MAST2: variants seen among roughly 807,000 people sequenced by gnomAD.
The protein encoded by MAST2 is microtubule associated serine/threonine kinase 2.
MAST2 carries 70 observed loss-of-function variants against 147.4 expected under a neutral mutation model. That is an observed-to-expected ratio of 0.47 (90% CI 0.39 to 0.58). The LOEUF is 0.58. MAST2 is among the 20% of genes least tolerant of loss of function. The pLI, the probability that MAST2 is intolerant of heterozygous loss-of-function variation, is 0.00. For synonymous variants in MAST2, 869 were observed against 896.8 expected (o/e 0.97, Z 0.55); for missense variants, 2,080 against 2,302.3 (o/e 0.90, Z 1.98).
intron 1 of MAST2, among the ~76,000 whole-genome samples, chr1:45,807,291 C>T (rs890664143): frequency 1.3e-5 from 2 of 152,016 alleles, no homozygotes; most frequent in Non-Finnish European, 2.9e-5. Flanking sequence ...TGAAATGTTC[C>T]TTGAGGACAT....
At chr1:45,832,584 G>C (rs1644992480) in intron 3 of MAST2, among the ~76,000 whole-genome samples, 3 of 152,140 alleles carry the variant, frequency 2.0e-5, no homozygotes, top group Admixed American at 2.0e-4. Context: ...GTGAGCCACT[G>C]TGCCTGGCCT....
intron 4 of MAST2, among the ~76,000 whole-genome samples, chr1:45,920,179 G>A (rs1390862738): frequency 1.3e-5 from 2 of 152,078 alleles, no homozygotes; most frequent in East Asian, 3.9e-4. Context: ...CCCTGAAGAG[G>A]GTACCTGCTC....
intron 4 of MAST2, among the ~76,000 whole-genome samples, chr1:45,953,172 T>C (rs1306275290): frequency 1.3e-5 from 2 of 152,004 alleles, no homozygotes; most frequent in Non-Finnish European, 2.9e-5. Context: ...TAACAACTAC[T>C]TTAGGACAGA....
chr1:45,829,370 T>C (rs1446847273), intron 2 of MAST2, 69 bp from the exon 3 acceptor site: 3 of 1,396,718 alleles, frequency 2.1e-6, no homozygotes, highest in Admixed American at 3.8e-5. Flanking sequence ...GATATCACTG[T>C]ATTTGTATTT....
rs749109240 is a variant in MAST2 at position 45,824,510 on chromosome 1, T to TA, written c.258dup (p.Leu87ThrfsTer9). 1 of 1,612,192 alleles carries TA rather than the reference T, an allele frequency of 6.2e-7. No homozygotes were observed. Among genetic ancestry groups the TA allele is most frequent in the African/African-American group, 1.3e-5 (1 of 74,904 alleles). On this transcript the variant is annotated frameshift_variant, in exon 2 of 29. Transcript: ENST00000361297. LOFTEE classifies it high-confidence loss of function. ...ACATATTTTCATCCACTGGAAAAGT[T>TA]AAACTTCAGCGACAACTGAGTCAGG...
At chr1:46,033,729 G>C in intron 26 of MAST2, 73 bp from the exon 27 acceptor site, 1 of 1,575,762 alleles carries the variant, frequency 6.3e-7, no homozygotes. Flanking sequence ...CATGCCAGAA[G>C]GGAAGGATTG....
At chr1:45,934,300 C>T (rs184566321) in intron 4 of MAST2, among the ~76,000 whole-genome samples, 14 of 152,252 alleles carry the variant, frequency 9.2e-5, no homozygotes, top group East Asian at 1.9e-4. Flanking sequence ...CTAGCTAACA[C>T]GGTGAAACCC....
At chr1:45,832,117 C>G (rs1370193247) in intron 3 of MAST2, among the ~76,000 whole-genome samples, 2 of 151,776 alleles carry the variant, frequency 1.3e-5, no homozygotes, top group African/African-American at 2.4e-5. Context: ...ATGTGAAGAC[C>G]ATATTGAGAT....
intron 6 of MAST2, among the ~76,000 whole-genome samples, chr1:46,001,323 C>T (rs1571153833): frequency 6.6e-6 from 1 of 152,236 alleles, no homozygotes; most frequent in Non-Finnish European, 1.5e-5. Context: ...GCATTTCTTC[C>T]TGACTCTGGT....
At position 45,850,140 on chromosome 1, in the gene MAST2, A is replaced by G. The variant is rs911558424; in HGVS notation, c.468+20559A>G. On this transcript the variant is annotated intron_variant, in intron 3 of 28. Transcript: ENST00000361297. Reference sequence around the variant, plus strand: ...GTTTTTTTGCTTTTTGATAATAGCTATTCTGACTGGCATAAGATGGTATCT... The same window carrying G: ...GTTTTTTTGCTTTTTGATAATAGCTGTTCTGACTGGCATAAGATGGTATCT... 4.6e-5 allele frequency among the ~76,000 whole-genome samples: 7 copies of G among 152,108 alleles called. 1 individual carries two copies. In the South Asian group the frequency reaches 6.2e-4, roughly 14 times the overall value.
chr1:45,975,398 C>T (rs1018335586), intron 5 of MAST2, among the ~76,000 whole-genome samples: 1 of 145,568 alleles, frequency 6.9e-6, no homozygotes, highest in Non-Finnish European at 1.5e-5. Context: ...ATGGCTCACT[C>T]CTGTAATTCC....
chr1:46,026,168 A>T (rs1646401737), intron 16 of MAST2, among the ~76,000 whole-genome samples: 1 of 152,228 alleles, frequency 6.6e-6, no homozygotes, highest in African/African-American at 2.4e-5. Flanking sequence ...GTGGGTTTTT[A>T]AATGTAGTCC....
chr1:45,891,472 G>A (rs572621130), intron 4 of MAST2, among the ~76,000 whole-genome samples: 32 of 152,040 alleles, frequency 2.1e-4, no homozygotes, highest in Non-Finnish European at 3.7e-4. Flanking sequence ...GAGAGAGACC[G>A]TTTCAAAACA....
At position 46,030,161 on chromosome 1, in the gene MAST2, G is replaced by C. The variant is rs1646586045; in HGVS notation, c.2476G>C (p.Glu826Gln). 3.1e-6 allele frequency: 5 copies of C among 1,614,140 alleles called. No individual in the cohort carries two copies. The Admixed American group carries it at 8.3e-5, about 27-fold the overall frequency. The change falls in exon 21 of 29, where the codon GAG becomes CAG. Residue 826 changes from glutamate to glutamine, a missense_variant. By Grantham distance (29) the Glu-to-Gln change is conservative. This residue lies in a region of MAST2 where 1,278 missense variants were observed against 1,304.2 expected (regional missense o/e 0.98). Coordinates refer to ENST00000361297, the MANE Select transcript of MAST2 (RefSeq NM_015112.3). ...AGAGCGATACCACCACATGGACTCG[G>C]AGGATGAGGAAGAAGTGAGTGAGGA... The part of the protein sequence containing the change: ...RSERYHHMDS[E>Q]DEEEVSEDGC...
intron 3 of MAST2, among the ~76,000 whole-genome samples, chr1:45,882,012 TAAAAAAAA>T (rs71062722): frequency 3.5e-4 from 14 of 39,830 alleles, no homozygotes; most frequent in Non-Finnish European, 5.1e-4. Context: ...CCGTCTCTAC[TAAAAAAAA>T]AAAAAAAAAA....
At chr1:45,804,122 G>A in intron 1 of MAST2, 50 bp downstream of exon 1, 2 of 1,272,610 alleles carry the variant, frequency 1.6e-6, no homozygotes, top group Non-Finnish European at 1.0e-6. Flanking sequence ...AAGCCGTGGG[G>A]GAGGGGATCT....
At chr1:46,026,038 G>T (rs1557500566) in intron 16 of MAST2, among the ~76,000 whole-genome samples, 1 of 152,182 alleles carries the variant, frequency 6.6e-6, no homozygotes, top group Non-Finnish European at 1.5e-5. Context: ...TGACATGGAA[G>T]AGTCATTGAG....
intron 3 of MAST2, among the ~76,000 whole-genome samples, chr1:45,865,626 CGTCT>C (rs771079390): frequency 3.9e-5 from 6 of 152,244 alleles, no homozygotes; most frequent in Middle Eastern, 3.4e-3. Flanking sequence ...TCCATCCATC[CGTCT>C]GTCTGTCTAC....
rs1174719505 is a variant in MAST2 at position 45,900,514 on chromosome 1, G to A, written c.500+18119G>A. On this transcript the variant is annotated intron_variant, in intron 4 of 28. Transcript: ENST00000361297. ...CGCTCTGTCGCCCAGGCCGGACTGC[G>A]GACTGCAGTGGCGCAATCTCGGCTC... 3.2e-4 allele frequency among the ~76,000 whole-genome samples: 2 copies of A among 6,242 alleles called. 1 individual carries two copies. The highest frequency in any genetic ancestry group is 4.5e-4 in the Non-Finnish European group (2 of 4,454). 4.1% of individuals were successfully genotyped at this position (6,242 alleles called of 152,430 possible).
Sources: gnomAD v4.1 joint callset for allele counts (sites outside exome capture counted in the v4.1 genomes callset) on GRCh38, gnomAD v4.1.1 for gene constraint, gnomAD v4.1.1 regional missense constraint, MANE v1.5 for transcripts, NCBI Gene and HGNC (gene_info 2026-07-23, HGNC 2026-07-21) for gene names.